Variants in GALNT13 observed in about 807,000 individuals in gnomAD.
GALNT13 encodes the protein UDP-GalNAc:polypeptide N-acetylgalactosaminyltransferase 13.
In GALNT13, 28 loss-of-function variants were observed where a neutral mutation model predicts 64.2. The ratio of observed to expected loss-of-function variants is 0.44; its 90% CI spans 0.32 to 0.60. The LOEUF is 0.60. Among genes scored for constraint, GALNT13 ranks in the 20% least tolerant of loss-of-function variants. The pLI is 0.05. For synonymous variants in GALNT13, 214 were observed against 224.6 expected (o/e 0.95, Z 0.42); for missense variants, 577 against 669.8 (o/e 0.86, Z 1.53).
the GALNT13 span, among the ~76,000 whole-genome samples, chr2:153,567,222 T>C: frequency 2.0e-5 from 3 of 152,226 alleles, no homozygotes; most frequent in Non-Finnish European, 4.4e-5. Context: ...GTTCTTAATT[T>C]CTGCCTTCTT....
In GALNT13 at chr2:154,211,629, CAAAAAAAA is replaced by C. The variant is rs140095331; in HGVS notation, c.312-30382_312-30375del. Among the ~76,000 whole-genome samples the C allele has an allele frequency of 4.5e-4, 17 of 37,934 alleles. 1 individual carries two copies. Among genetic ancestry groups the C allele is most frequent in the South Asian group, 1.7e-3 (1 of 576 alleles). The allele number at this position is 37,934 out of a possible 152,430, so 24.9% of individuals were successfully genotyped here. A position where few individuals can be genotyped will look rare whatever the true frequency, so the allele number is the denominator to read the frequency against. On this transcript the variant is annotated intron_variant, in intron 4 of 12. Coordinates refer to ENST00000392825, the MANE Select transcript of GALNT13 (RefSeq NM_052917.4). ...GGCAACAAGAGCGAAACTCCATCTCCAAAAAAAAAAAAAAAAAAAAAAAAAAGAAAAGA... is the reference window on the plus strand; with the variant it reads ...GGCAACAAGAGCGAAACTCCATCTCCAAAAAAAAAAAAAAAAAAGAAAAGA...
chr2:153,338,121 A>G, the GALNT13 span, among the ~76,000 whole-genome samples: 1 of 150,248 alleles, frequency 6.7e-6, no homozygotes, highest in Non-Finnish European at 1.5e-5. Flanking sequence ...TGAGGCCCCC[A>G]TCTCTACAAA....
At chr2:153,212,951 A>G in the GALNT13 span, among the ~76,000 whole-genome samples, 1 of 152,234 alleles carries the variant, frequency 6.6e-6, no homozygotes, top group Non-Finnish European at 1.5e-5. Context: ...ATTATTCATT[A>G]GTGAAATGTT....
the GALNT13 span, among the ~76,000 whole-genome samples, chr2:153,704,485 T>A: frequency 6.6e-6 from 1 of 152,194 alleles, no homozygotes; most frequent in Admixed American, 6.5e-5. Context: ...ATTGAAAATA[T>A]AATATACTTC....
At chr2:154,099,258 C>T (rs761646642) in intron 3 of GALNT13, among the ~76,000 whole-genome samples, 12 of 151,894 alleles carry the variant, frequency 7.9e-5, no homozygotes, top group Admixed American at 1.3e-4. Context: ...TACTTGTTAA[C>T]GGGATTATTT....
the GALNT13 span, among the ~76,000 whole-genome samples, chr2:153,718,798 A>C: frequency 6.6e-6 from 1 of 152,184 alleles, no homozygotes; most frequent in Non-Finnish European, 1.5e-5. Context: ...AGTGTTGTGA[A>C]GGTCAGGTTT....
chr2:154,076,550 T>A (rs1388017773), intron 3 of GALNT13, among the ~76,000 whole-genome samples: 1 of 151,668 alleles, frequency 6.6e-6, no homozygotes, highest in Non-Finnish European at 1.5e-5. Context: ...TGTGCTCTGG[T>A]CCAATGATAG....
the GALNT13 span, among the ~76,000 whole-genome samples, chr2:153,141,191 G>C: frequency 2.0e-5 from 3 of 148,134 alleles, no homozygotes; most frequent in East Asian, 5.8e-4. Flanking sequence ...TGTTGTAGCA[G>C]ATAGCAGTTT....
At chr2:153,748,456 T>C in the GALNT13 span, among the ~76,000 whole-genome samples, 6 of 152,170 alleles carry the variant, frequency 3.9e-5, no homozygotes, top group Non-Finnish European at 7.4e-5. Context: ...GTCTGTCTTT[T>C]GGACAAGTCA....
intron 2 of GALNT13, among the ~76,000 whole-genome samples, chr2:153,941,843 A>G (rs1691361005): frequency 6.6e-6 from 1 of 152,120 alleles, no homozygotes; most frequent in African/African-American, 2.4e-5. Context: ...ATAATTACAT[A>G]AGAAGTTTAA....
At chr2:154,186,705 T>C (rs1403497629) in intron 4 of GALNT13, among the ~76,000 whole-genome samples, 5 of 152,080 alleles carry the variant, frequency 3.3e-5, no homozygotes, top group Admixed American at 3.3e-4. Flanking sequence ...TAAAGTAAAA[T>C]TGTTTTCTCA....
At chr2:153,703,306 T>G in the GALNT13 span, among the ~76,000 whole-genome samples, 11 of 152,186 alleles carry the variant, frequency 7.2e-5, no homozygotes, top group African/African-American at 2.7e-4. Context: ...CTGATTCCAT[T>G]GCTTACTGTA....
chr2:154,344,017 G>C (rs908413722), intron 9 of GALNT13, among the ~76,000 whole-genome samples: 1 of 151,824 alleles, frequency 6.6e-6, no homozygotes, highest in Non-Finnish European at 1.5e-5. Context: ...CAGCTCAAAA[G>C]GGACACTCTT....
chr2:153,559,889 T>C, the GALNT13 span, among the ~76,000 whole-genome samples: 1 of 152,118 alleles, frequency 6.6e-6, no homozygotes, highest in Non-Finnish European at 1.5e-5. Flanking sequence ...AAAGATTTGT[T>C]TTAAAGATAA....
intron 9 of GALNT13, among the ~76,000 whole-genome samples, chr2:154,394,448 A>G (rs896820925): frequency 1.3e-5 from 2 of 152,164 alleles, no homozygotes; most frequent in African/African-American, 2.4e-5. Flanking sequence ...TTGATATTAA[A>G]TAAGCCACCT....
chr2:153,673,552 C>T, the GALNT13 span, among the ~76,000 whole-genome samples: 8 of 152,186 alleles, frequency 5.3e-5, no homozygotes, highest in East Asian at 3.9e-4. Flanking sequence ...ATTGATAGAA[C>T]GTATCTCAAA....
At chr2:154,432,233 G>A (rs960051540) in intron 11 of GALNT13, among the ~76,000 whole-genome samples, 2 of 152,094 alleles carry the variant, frequency 1.3e-5, no homozygotes, top group Non-Finnish European at 2.9e-5. Context: ...TTTGAAAATG[G>A]TTGATTTTAT....
At chr2:153,663,098 T>C in the GALNT13 span, among the ~76,000 whole-genome samples, 6 of 152,288 alleles carry the variant, frequency 3.9e-5, no homozygotes, top group Admixed American at 2.6e-4. Context: ...TTGAAAGCAA[T>C]AGTAAAAATA....
chr2:153,905,315 A>C (rs1158810490), intron 2 of GALNT13, among the ~76,000 whole-genome samples: 3 of 151,952 alleles, frequency 2.0e-5, no homozygotes, highest in Non-Finnish European at 4.4e-5. Context: ...GACACATTCC[A>C]AGATCCCCAG....
Sources: allele counts gnomAD v4.1 joint callset (sites outside exome capture counted in the v4.1 genomes callset), GRCh38; gene constraint gnomAD v4.1.1; transcripts MANE v1.5; gene names NCBI Gene and HGNC (gene_info 2026-07-23, HGNC 2026-07-21).